MARCHF8: variants seen among roughly 807,000 people sequenced by gnomAD.
The protein encoded by MARCHF8 is membrane associated ring-CH-type finger 8.
In MARCHF8, 40 loss-of-function variants were observed where a neutral mutation model predicts 51.6. The observed-to-expected ratio is 0.77, with a 90% CI of 0.60 to 1.01. MARCHF8 has a LOEUF of 1.01. MARCHF8 is among the 50% of genes least tolerant of loss of function. MARCHF8 has a pLI of 0.00. For synonymous variants in MARCHF8, 263 were observed against 280.3 expected (o/e 0.94, Z 0.62); for missense variants, 685 against 708.6 (o/e 0.97, Z 0.38).
chr10:45,571,328 T>G (rs1164562646), intron 1 of MARCHF8, among the ~76,000 whole-genome samples: 1 of 152,158 alleles, frequency 6.6e-6, no homozygotes, highest in East Asian at 1.9e-4. Flanking sequence ...TTCCTTCTCC[T>G]GGCTCATCCT....
At chr10:45,553,858 C>A (rs1366807416) in intron 1 of MARCHF8, among the ~76,000 whole-genome samples, 1 of 152,072 alleles carries the variant, frequency 6.6e-6, no homozygotes, top group African/African-American at 2.4e-5. Context: ...CACACTCTTG[C>A]TCATGTTTTA....
rs1051529434 is a variant in MARCHF8 at position 45,522,125 on chromosome 10, G to A, written c.102+10985C>T. Among the ~76,000 whole-genome samples the A allele has an allele frequency of 2.4e-4, 36 of 151,898 alleles. 1 individual carries two copies. ...TGATAAACAACTTTTTAAAGTCAGG[G>A]GTTCAAGGTTCAAATTTCCCCCAAA... On this transcript the variant is annotated intron_variant, in intron 2 of 7. Transcript: ENST00000453424.
intron 6 of MARCHF8, 27 bp downstream of exon 6, chr10:45,461,204 G>C: frequency 6.9e-7 from 1 of 1,441,550 alleles, no homozygotes; most frequent in Non-Finnish European, 9.2e-7. Context: ...TTTCAGGAAG[G>C]GTGAAGCATC....
intron 2 of MARCHF8, among the ~76,000 whole-genome samples, chr10:45,515,373 T>G: frequency 6.6e-6 from 1 of 152,226 alleles, no homozygotes; most frequent in East Asian, 1.9e-4. Flanking sequence ...TCTCAAGCTT[T>G]TGCTGTCACT....
intron 2 of MARCHF8, among the ~76,000 whole-genome samples, chr10:45,530,777 A>G (rs186301157): frequency 6.6e-6 from 1 of 152,330 alleles, no homozygotes; most frequent in Non-Finnish European, 1.5e-5. Flanking sequence ...GTACTCAAAA[A>G]TAAGTAAAAA....
intron 1 of MARCHF8, among the ~76,000 whole-genome samples, 164 bp from the exon 2 acceptor site, chr10:45,533,453 G>A (rs577489289): frequency 6.6e-6 from 1 of 152,272 alleles, no homozygotes; most frequent in Admixed American, 6.5e-5. Flanking sequence ...TGTCTAAGGG[G>A]AAAATTCTAA....
chr10:45,560,619 C>T (rs891410834), intron 1 of MARCHF8, among the ~76,000 whole-genome samples: 87 of 152,314 alleles, frequency 5.7e-4, no homozygotes, highest in African/African-American at 1.8e-3. Context: ...GCCCGGTCCC[C>T]TAGCCCGCTC....
intron 1 of MARCHF8, among the ~76,000 whole-genome samples, chr10:45,593,212 G>A (rs1365120459): frequency 6.7e-6 from 1 of 148,820 alleles, no homozygotes; most frequent in Non-Finnish European, 1.5e-5. Flanking sequence ...AGCAGACAAG[G>A]TGTAAAAGAG....
At chr10:45,473,487 G>T (rs1020588323) in intron 3 of MARCHF8, among the ~76,000 whole-genome samples, 6 of 152,178 alleles carry the variant, frequency 3.9e-5, no homozygotes, top group Non-Finnish European at 5.9e-5. Flanking sequence ...TCAAGAAATT[G>T]TGTCACCTGG....
At chr10:45,507,511 C>G (rs2043408056) in intron 2 of MARCHF8, among the ~76,000 whole-genome samples, 1 of 152,048 alleles carries the variant, frequency 6.6e-6, no homozygotes, top group African/African-American at 2.4e-5. Context: ...GACGACAGGT[C>G]AAGAGAGCAA....
At chr10:45,520,302 TA>T (rs1208378028) in intron 2 of MARCHF8, among the ~76,000 whole-genome samples, 2 of 152,228 alleles carry the variant, frequency 1.3e-5, no homozygotes, top group Non-Finnish European at 2.9e-5. Flanking sequence ...AGGCAATTTA[TA>T]AATACCATAT....
chr10:45,524,780 T>C (rs1382556687), intron 2 of MARCHF8, among the ~76,000 whole-genome samples: 2 of 152,106 alleles, frequency 1.3e-5, no homozygotes, highest in African/African-American at 4.8e-5. Flanking sequence ...AGTTTGGTCT[T>C]ATACTGTATC....
chr10:45,502,614 C>T (rs1038745922), intron 2 of MARCHF8, among the ~76,000 whole-genome samples: 1 of 152,106 alleles, frequency 6.6e-6, no homozygotes. Context: ...CATCAGGAAA[C>T]CCTCAAGGCC....
At chr10:45,576,881 C>A (rs1410646706) in intron 1 of MARCHF8, among the ~76,000 whole-genome samples, 1 of 149,684 alleles carries the variant, frequency 6.7e-6, no homozygotes, top group Non-Finnish European at 1.5e-5. Flanking sequence ...CACTGGAGCT[C>A]AGGAAGTCAA....
intron 2 of MARCHF8, among the ~76,000 whole-genome samples, chr10:45,493,821 C>A (rs1044903311): frequency 6.6e-6 from 1 of 152,144 alleles, no homozygotes; most frequent in African/African-American, 2.4e-5. Flanking sequence ...GTTGTCCAGG[C>A]TGGAGGACAG....
intron 2 of MARCHF8, among the ~76,000 whole-genome samples, chr10:45,495,120 CAA>C (rs1200189431): frequency 1.3e-4 from 16 of 123,900 alleles, no homozygotes; most frequent in African/African-American, 1.5e-4. Context: ...AACTCCATCT[CAA>C]AAAAAAAAAA....
chr10:45,473,022 G>C (rs551558779), intron 3 of MARCHF8, among the ~76,000 whole-genome samples: 1 of 152,292 alleles, frequency 6.6e-6, no homozygotes, highest in African/African-American at 2.4e-5. Context: ...CGTGTCACTG[G>C]TCAACTCTGC....
chr10:45,542,318 G>A (rs2044064968), intron 1 of MARCHF8, among the ~76,000 whole-genome samples: 1 of 125,300 alleles, frequency 8.0e-6, no homozygotes, highest in African/African-American at 3.1e-5. Flanking sequence ...CCGCACTCCA[G>A]CCTGGTGACA....
chr10:45,493,169 C>T (rs771972587), intron 2 of MARCHF8, among the ~76,000 whole-genome samples: 3 of 152,186 alleles, frequency 2.0e-5, no homozygotes, highest in Non-Finnish European at 4.4e-5. Context: ...CACCACTCTG[C>T]CCTGTAGTCA....
Sources: gnomAD v4.1 joint callset for allele counts (sites outside exome capture counted in the v4.1 genomes callset) on GRCh38, gnomAD v4.1.1 for gene constraint, MANE v1.5 for transcripts, NCBI Gene and HGNC (gene_info 2026-07-23, HGNC 2026-07-21) for gene names.